The following IPO8 variants were observed in gnomAD, a reference collection of about 807,000 sequenced individuals.
IPO8 encodes the protein importin 8.
Under a neutral mutation model 141.2 loss-of-function variants are expected in IPO8, and 65 were observed. The ratio of observed to expected loss-of-function variants is 0.46; its 90% CI spans 0.38 to 0.57. The LOEUF (loss-of-function observed/expected upper bound fraction) is 0.57. Ranked by LOEUF, IPO8 falls within the 20% of genes least tolerant of loss-of-function variation. IPO8 has a pLI of 0.00. For synonymous variants in IPO8, 411 were observed against 420.3 expected (o/e 0.98, Z 0.27); for missense variants, 980 against 1,246.8 (o/e 0.79, Z 3.22).
At chr12:30,634,612 A>G (rs2052476981) in intron 22 of IPO8, among the ~76,000 whole-genome samples, 1 of 152,132 alleles carries the variant, frequency 6.6e-6, no homozygotes, top group Admixed American at 6.5e-5. Context: ...TAATACAAGA[A>G]TATTATTCAA....
intron 18 of IPO8, 34 bp from the exon 19 acceptor site, chr12:30,652,323 G>T: frequency 8.2e-7 from 1 of 1,214,504 alleles, no homozygotes; most frequent in Non-Finnish European, 1.2e-6. Flanking sequence ...TGAGACTTGA[G>T]TGACAGAAAT....
At chr12:30,656,784 T>G in intron 16 of IPO8, 34 bp from the exon 17 acceptor site, 1 of 1,016,884 alleles carries the variant, frequency 9.8e-7, no homozygotes, top group Non-Finnish European at 1.4e-6. Context: ...AGCTTAAAAT[T>G]ATCATAATTA....
rs146120716 is a variant in IPO8 at position 30,642,545 on chromosome 12, AAT to A, written c.2269-2812_2269-2811del. Among the ~76,000 whole-genome samples the A allele has an allele frequency of 5.9e-4, 89 of 151,314 alleles. 1 individual carries two copies. Among genetic ancestry groups the A allele is most frequent in the African/African-American group, 1.8e-3 (76 of 41,312 alleles). The stretch of plus-strand genomic sequence containing the variant: ...AACAATGACCAATCCAATATCAATG[AAT>A]ATATATATATAGCGACATATTAGTT... On this transcript the variant is annotated intron_variant, in intron 20 of 24. Transcript: ENST00000256079.
chr12:30,636,930 C>A, intron 22 of IPO8, 52 bp downstream of exon 22: 4 of 1,410,818 alleles, frequency 2.8e-6, no homozygotes, highest in Non-Finnish European at 4.0e-6. Flanking sequence ...ATATAAAATG[C>A]ATACACAAAT....
rs143430800 is a variant in IPO8, at chr12:30,676,008, G to A, written c.729+490C>T. ...TTGCTCTGTCCCCCAAGCATAGTTT[G>A]CTGCAGCCTCAAACTACCAGTGATC... On this transcript the variant is annotated intron_variant, in intron 6 of 24. Coordinates refer to ENST00000256079, the MANE Select transcript of IPO8 (RefSeq NM_006390.4). 2.4e-3 allele frequency among the ~76,000 whole-genome samples: 362 copies of A among 151,356 alleles called. 2 individuals are homozygous for A. Among genetic ancestry groups the A allele is most frequent in the African/African-American group, 7.8e-3 (320 of 41,204 alleles).
chr12:30,689,058 T>C (rs890308431), intron 2 of IPO8, among the ~76,000 whole-genome samples: 3 of 152,070 alleles, frequency 2.0e-5, no homozygotes, highest in Non-Finnish European at 4.4e-5. Flanking sequence ...CTATATGCAC[T>C]GACTTGGAGC....
chr12:30,673,621 T>C (rs1202041668), intron 8 of IPO8, among the ~76,000 whole-genome samples: 1 of 152,150 alleles, frequency 6.6e-6, no homozygotes, highest in Non-Finnish European at 1.5e-5. Context: ...ATAAGTCTTC[T>C]AAAATAAAAA....
intron 24 of IPO8, 40 bp downstream of exon 24, chr12:30,631,855 C>G: frequency 7.2e-7 from 1 of 1,384,516 alleles, no homozygotes; most frequent in Non-Finnish European, 1.0e-6. Flanking sequence ...TGTTGGCACT[C>G]TGACACATGC....
At chr12:30,638,083 C>T (rs4143104) in intron 21 of IPO8, among the ~76,000 whole-genome samples, 83,333 of 151,878 alleles carry the variant, frequency 0.55, 23,596 homozygotes, top group African/African-American at 0.68. Context: ...ACATGCCACA[C>T]GGATCACAGC....
At chr12:30,645,602 A>C (rs1396201630) in intron 20 of IPO8, among the ~76,000 whole-genome samples, 1 of 152,140 alleles carries the variant, frequency 6.6e-6, no homozygotes, top group Admixed American at 6.5e-5. Context: ...GAAAAAATCA[A>C]AATTGATAAA....
chr12:30,636,979 T>C lies in IPO8; in HGVS notation c.2695+3A>G, dbSNP rs775000891. 3 of 1,611,570 alleles carry C rather than the reference T, an allele frequency of 1.9e-6. No individual in the cohort carries two copies. Among genetic ancestry groups the C allele is most frequent in the Non-Finnish European group, 2.5e-6 (3 of 1,177,730 alleles). The stretch of plus-strand genomic sequence containing the variant: ...AACATTAATTTCAATTAGAAGACTT[T>C]ACCATTTTCTTCCATATCAGCTTTC... On this transcript the variant is annotated splice_donor_region_variant and intron_variant, in intron 22 of 24. Coordinates refer to ENST00000256079, the MANE Select transcript of IPO8 (RefSeq NM_006390.4).
chr12:30,688,858 T>A (rs1273872633), intron 2 of IPO8: 2 of 152,490 alleles, frequency 1.3e-5, no homozygotes, highest in African/African-American at 4.8e-5. Context: ...CCCCTTGTTA[T>A]AACTTATTCT....
At position 30,629,408 on chromosome 12, in the gene IPO8, G is replaced by A. The variant is rs2052400355; in HGVS notation, c.*1452C>T. On this transcript the variant is annotated 3_prime_UTR_variant, in exon 25 of 25. Coordinates refer to ENST00000256079, the MANE Select transcript of IPO8 (RefSeq NM_006390.4). ...GGGTCACTGAACTCCAAAACTCATG[G>A]TTTTCCAGGCTACTTCTATAGACAT... 6.6e-6 allele frequency: 1 copy of A among 152,144 alleles called. No homozygotes were observed. The highest frequency in any genetic ancestry group is 2.4e-5 in the African/African-American group (1 of 41,434). The allele number at this position is 152,144 out of a possible 1,614,324, so 9.4% of individuals were successfully genotyped here.
intron 2 of IPO8, 90 bp from the exon 3 acceptor site, chr12:30,684,547 T>G: frequency 7.8e-7 from 1 of 1,286,812 alleles, no homozygotes. Flanking sequence ...AACCCTTCAA[T>G]GTTAAACATG....
In IPO8 at chr12:30,636,998, A is replaced by T. The variant is rs748576949; in HGVS notation, c.2679T>A (p.Ala893=). Residue 893 remains alanine, a synonymous_variant, in exon 22 of 25, where the codon GCT becomes GCA. Transcript: ENST00000256079. Reference sequence around the variant, plus strand: ...AGACTTTACCATTTTCTTCCATATCAGCTTTCTCTGCTTTTGAACGATCTT... The same window carrying T: ...AGACTTTACCATTTTCTTCCATATCTGCTTTCTCTGCTTTTGAACGATCTT... ...NREDRSKAEK[A]DMEENEEISS... 6.8e-6 allele frequency: 11 copies of T among 1,613,738 alleles called. No homozygotes were observed. Among genetic ancestry groups the T allele is most frequent in the African/African-American group, 2.7e-5 (2 of 74,936 alleles).
intron 4 of IPO8, 26 bp from the exon 5 acceptor site, chr12:30,680,664 A>G (rs1214146426): frequency 1.9e-6 from 3 of 1,570,658 alleles, no homozygotes; most frequent in Admixed American, 1.9e-5. Context: ...CAAAAACAGA[A>G]AAGTAATTTT....
chr12:30,649,070 A>C (rs1307423004), intron 20 of IPO8, 67 bp downstream of exon 20: 1 of 993,004 alleles, frequency 1.0e-6, no homozygotes, highest in East Asian at 2.5e-5. Flanking sequence ...ATATAAATGA[A>C]AAGTCAAGCA....
chr12:30,673,367 T>A (rs1221451057), intron 8 of IPO8, among the ~76,000 whole-genome samples: 1 of 152,218 alleles, frequency 6.6e-6, no homozygotes. Flanking sequence ...CAATAATTAA[T>A]AAATTTTATT....
chr12:30,646,179 A>G (rs919181047), intron 20 of IPO8, among the ~76,000 whole-genome samples: 5 of 152,240 alleles, frequency 3.3e-5, no homozygotes, highest in African/African-American at 1.2e-4. Context: ...TGTGATTTAT[A>G]CCAGGAATGC....
Sources: allele counts gnomAD v4.1 joint callset (sites outside exome capture counted in the v4.1 genomes callset), GRCh38; gene constraint gnomAD v4.1.1; transcripts MANE v1.5; gene names NCBI Gene and HGNC (gene_info 2026-07-23, HGNC 2026-07-21).